The following GRIA3 variants were observed in gnomAD, a reference collection of about 807,000 sequenced individuals.
The protein encoded by GRIA3 is glutamate ionotropic receptor AMPA type subunit 3.
Under a neutral mutation model 63.0 loss-of-function variants are expected in GRIA3, and 3 were observed. The ratio of observed to expected loss-of-function variants is 0.05; its 90% CI spans 0.02 to 0.12. GRIA3 has a LOEUF of 0.12. Ranked by LOEUF, GRIA3 falls within the 10% of genes least tolerant of loss-of-function variation. The probability of loss-of-function intolerance (pLI) is 1.00; values close to 1 mark genes in which losing one functional copy is unlikely to be tolerated. For missense variants in GRIA3, 347 were observed against 700.9 expected, an observed-to-expected ratio of 0.50 and a Z score of 5.70; for synonymous variants, 274 against 257.9, an observed-to-expected ratio of 1.06 and a Z score of -0.60.
At chrX:123,195,099 A>G (rs760700262) in intron 2 of GRIA3, among the ~76,000 whole-genome samples, 6 of 113,315 alleles carry the variant, frequency 5.3e-5, no homozygotes, top group Non-Finnish European at 9.4e-5. Context: ...ACTAGACGTC[A>G]TGGCAAATGC....
intron 13 of GRIA3, among the ~76,000 whole-genome samples, chrX:123,478,710 A>G (rs1477168189): frequency 8.9e-6 from 1 of 112,276 alleles, no homozygotes; most frequent in Non-Finnish European, 1.9e-5. Flanking sequence ...AGTGGGTCCA[A>G]CTTATCCAAA....
chrX:123,313,518 T>C (rs2147324416), intron 3 of GRIA3, among the ~76,000 whole-genome samples: 1 of 111,562 alleles, frequency 9.0e-6, no homozygotes, highest in African/African-American at 3.3e-5. Context: ...CAGACACTTT[T>C]CATCTTTGGC....
intron 15 of GRIA3, among the ~76,000 whole-genome samples, chrX:123,484,806 T>G (rs941153564): frequency 1.8e-5 from 2 of 112,943 alleles, no homozygotes; most frequent in African/African-American, 6.4e-5. Flanking sequence ...GGCCTTCTTA[T>G]AGTTCACACT....
intron 5 of GRIA3, among the ~76,000 whole-genome samples, chrX:123,368,647 T>C (rs1285466586): frequency 9.0e-6 from 1 of 110,695 alleles, no homozygotes; most frequent in Non-Finnish European, 1.9e-5. Flanking sequence ...CCCCACCCTT[T>C]CCCTTTCCAC....
At chrX:123,465,602 C>T in intron 13 of GRIA3, 1 of 827,320 alleles carries the variant, frequency 1.2e-6, no homozygotes, top group Non-Finnish European at 1.8e-6. Context: ...TCCTCTTGTG[C>T]TCCTTTTTAT....
chrX:123,380,143 G>A (rs1307607379), intron 5 of GRIA3, among the ~76,000 whole-genome samples: 137 of 110,829 alleles, frequency 1.2e-3, no homozygotes, highest in Non-Finnish European at 2.0e-3. Context: ...ATTTATAATC[G>A]TTTGGGTATA....
chrX:123,214,234 A>C (rs1928105952), intron 2 of GRIA3, among the ~76,000 whole-genome samples: 1 of 112,201 alleles, frequency 8.9e-6, no homozygotes, highest in African/African-American at 3.2e-5. Context: ...TAATTTAATT[A>C]ATATTAACAA....
chrX:123,453,865 G>T (rs1193823080), intron 12 of GRIA3, among the ~76,000 whole-genome samples: 3 of 111,709 alleles, frequency 2.7e-5, no homozygotes, highest in Non-Finnish European at 5.6e-5. Context: ...ACCCACGCAG[G>T]GGAGTGGAAA....
chrX:123,427,393 T>C (rs2045595323), intron 11 of GRIA3, among the ~76,000 whole-genome samples: 1 of 111,580 alleles, frequency 9.0e-6, no homozygotes, highest in East Asian at 2.8e-4. Context: ...GCATGAGTTT[T>C]TTTTTAAGAT....
At chrX:123,390,288 G>A (rs940838043) in intron 5 of GRIA3, among the ~76,000 whole-genome samples, 16 of 111,412 alleles carry the variant, frequency 1.4e-4, no homozygotes, top group Non-Finnish European at 3.0e-4. Flanking sequence ...TCTTCCAGGT[G>A]TAAGACTCCC....
rs896354134 is a variant in GRIA3 at position 123,184,592 on chromosome X, C to A, written c.57C>A (p.Val19=). The stretch of plus-strand genomic sequence containing the variant: ...TGCTCCGGGCGGTCTTCTTTTTAGT[C>A]CTGGGGCTTTTGGGTCATTCTCACG... ...QSVLRAVFFL[V]LGLLGHSHGG... is the part of the protein sequence containing the mutation. The change falls in exon 1 of 16, where the codon GTC becomes GTA. Residue 19 remains valine (V), a synonymous_variant. Coordinates refer to ENST00000620443, the MANE Select transcript of GRIA3 (RefSeq NM_007325.5). The A allele has an allele frequency of 2.0e-5, 24 of 1,209,602 alleles. No homozygotes were observed. Among genetic ancestry groups the A allele is most frequent in the Non-Finnish European group, 2.6e-5 (23 of 894,080 alleles).
chrX:123,237,342 A>G (rs1218402230), intron 2 of GRIA3, among the ~76,000 whole-genome samples: 1 of 111,824 alleles, frequency 8.9e-6, no homozygotes, highest in African/African-American at 3.2e-5. Context: ...TTGAACACCT[A>G]TTATGTACAG....
chrX:123,389,841 G>A (rs2045375325), intron 5 of GRIA3, among the ~76,000 whole-genome samples: 1 of 110,257 alleles, frequency 9.1e-6, no homozygotes, highest in Non-Finnish European at 1.9e-5. Flanking sequence ...AAGTAGCTGG[G>A]ACTACAGACA....
chrX:123,270,478 CTCATCACT>C (rs1237754585), intron 3 of GRIA3, among the ~76,000 whole-genome samples: 1 of 112,701 alleles, frequency 8.9e-6, no homozygotes, highest in African/African-American at 3.2e-5. Flanking sequence ...TCAAGCTTCC[CTCATCACT>C]TGATCGTAGG....
chrX:123,436,296 G>A lies in GRIA3; in HGVS notation c.2076+8157G>A, dbSNP rs141369778. 2.3e-3 allele frequency among the ~76,000 whole-genome samples: 254 copies of A among 108,678 alleles called. 2 individuals are homozygous for A. Among genetic ancestry groups the A allele is most frequent in the Non-Finnish European group, 4.2e-3 (222 of 53,110 alleles). The allele number at this position is 108,678 out of a possible 115,157, so 94.4% of individuals were successfully genotyped here. On this transcript the variant is annotated intron_variant, in intron 12 of 15. Transcript: ENST00000620443. The stretch of plus-strand genomic sequence containing the variant: ...TCTGCTTTCTTGATGGAAGAGATGT[G>A]GGTTTGTTTTTTGTTTTTGTTTGTT...
chrX:123,416,305 T>A (rs1270435108), intron 10 of GRIA3, among the ~76,000 whole-genome samples: 1 of 111,829 alleles, frequency 8.9e-6, no homozygotes, highest in Non-Finnish European at 1.9e-5. Flanking sequence ...CTTCCCTACC[T>A]CTGCCCTTTG....
At chrX:123,262,584 A>G (rs2044466232) in intron 3 of GRIA3, among the ~76,000 whole-genome samples, 1 of 112,408 alleles carries the variant, frequency 8.9e-6, no homozygotes, top group South Asian at 3.7e-4. Flanking sequence ...CTAGATCAGT[A>G]ATAACAGCTC....
chrX:123,489,897 ACTAAAATGCATTCCCAAAC>A lies in GRIA3; in HGVS notation c.*1191_*1209del, dbSNP rs2147452171. On this transcript the variant is annotated 3_prime_UTR_variant, in exon 16 of 16. Coordinates refer to ENST00000620443, the MANE Select transcript of GRIA3 (RefSeq NM_007325.5). ...ATGTGTCCTTTTCTAGTTTGCAAAG[ACTAAAATGCATTCCCAAAC>A]CTACTGCTAATCTGAGGGCCTCAGC... is the stretch of plus-strand genomic sequence containing the variant. 1 of 112,090 alleles carries A rather than the reference ACTAAAATGCATTCCCAAAC, an allele frequency of 8.9e-6. No homozygotes were observed. The highest frequency in any genetic ancestry group is 3.8e-4 in the South Asian group (1 of 2,647). 9.2% of individuals were successfully genotyped at this position (112,090 alleles called of 1,213,427 possible). A position where few individuals can be genotyped will look rare whatever the true frequency, so the allele number is the denominator to read the frequency against.
chrX:123,454,370 G>T (rs1434964070), intron 12 of GRIA3, among the ~76,000 whole-genome samples: 1 of 111,729 alleles, frequency 9.0e-6, no homozygotes, highest in Non-Finnish European at 1.9e-5. Context: ...TAGAGTTGTT[G>T]TGAGAATTAC....
Sources: allele counts gnomAD v4.1 joint callset (sites outside exome capture counted in the v4.1 genomes callset), GRCh38; gene constraint gnomAD v4.1.1; transcripts MANE v1.5; gene names NCBI Gene and HGNC (gene_info 2026-07-23, HGNC 2026-07-21).